EIF4G3: variants seen among roughly 807,000 people sequenced by gnomAD.
EIF4G3 encodes eIF-4-gamma 3.
Under a neutral mutation model 186.4 loss-of-function variants are expected in EIF4G3, and 34 were observed. The observed-to-expected ratio is 0.18, with a 90% CI of 0.14 to 0.24. The LOEUF (loss-of-function observed/expected upper bound fraction) is 0.24, where lower values mean the gene tolerates loss of function less well. Among genes scored for constraint, EIF4G3 ranks in the 10% least tolerant of loss-of-function variants. The pLI, the probability that EIF4G3 is intolerant of heterozygous loss-of-function variation, is 1.00. For missense variants in EIF4G3, 1,536 were observed against 1,948.5 expected (o/e 0.79, Z 3.99); for synonymous variants, 673 against 679.5 (o/e 0.99, Z 0.15).
chr1:20,825,456 C>G (rs966421386), intron 32 of EIF4G3, among the ~76,000 whole-genome samples: 8 of 152,086 alleles, frequency 5.3e-5, no homozygotes, highest in African/African-American at 1.7e-4. Flanking sequence ...GTCTCGAAAA[C>G]AAACTTTTCC....
intron 10 of EIF4G3, among the ~76,000 whole-genome samples, chr1:20,979,226 T>A (rs969168251): frequency 6.6e-6 from 1 of 152,208 alleles, no homozygotes; most frequent in Non-Finnish European, 1.5e-5. Context: ...TTGGCGCATA[T>A]GCCAATAATC....
intron 4 of EIF4G3, among the ~76,000 whole-genome samples, chr1:21,037,403 C>CT (rs1238943945): frequency 6.6e-6 from 1 of 152,134 alleles, no homozygotes; most frequent in Non-Finnish European, 1.5e-5. Context: ...AGTTTGGCTG[C>CT]TTTTAACAGT....
At chr1:20,826,020 C>T (rs1226634004) in intron 32 of EIF4G3, among the ~76,000 whole-genome samples, 1 of 152,166 alleles carries the variant, frequency 6.6e-6, no homozygotes, top group African/African-American at 2.4e-5. Context: ...GTAACTTGTC[C>T]AAGGCATAGC....
intron 19 of EIF4G3, among the ~76,000 whole-genome samples, chr1:20,882,727 T>C (rs913697016): frequency 3.3e-5 from 5 of 150,822 alleles, no homozygotes; most frequent in East Asian, 1.9e-4. Flanking sequence ...GCCCAGGAGG[T>C]TGAAGCTTCA....
At chr1:21,033,812 G>A (rs1028452977) in intron 4 of EIF4G3, among the ~76,000 whole-genome samples, 26 of 152,284 alleles carry the variant, frequency 1.7e-4, no homozygotes, top group Non-Finnish European at 3.2e-4. Flanking sequence ...AAAAGGCCAC[G>A]CGTGATAGCT....
chr1:21,144,109 G>C (rs1279205507), intron 2 of EIF4G3, among the ~76,000 whole-genome samples: 3 of 151,958 alleles, frequency 2.0e-5, no homozygotes, highest in Admixed American at 2.0e-4. Context: ...CTATTTTTTT[G>C]GTGCAAGCAA....
chr1:21,100,288 G>A (rs778117447), intron 2 of EIF4G3, among the ~76,000 whole-genome samples: 2 of 152,086 alleles, frequency 1.3e-5, no homozygotes, highest in African/African-American at 2.4e-5. Flanking sequence ...CTGTGGTGAT[G>A]GATGCACAAC....
chr1:21,053,800 A>G (rs28722989), intron 3 of EIF4G3, among the ~76,000 whole-genome samples: 2 of 118,634 alleles, frequency 1.7e-5, no homozygotes, highest in African/African-American at 6.6e-5. Flanking sequence ...TACTGGGAAG[A>G]GAGGAGCCCC....
At chr1:20,946,128 A>T (rs1195628839) in intron 13 of EIF4G3, among the ~76,000 whole-genome samples, 2 of 152,334 alleles carry the variant, frequency 1.3e-5, no homozygotes, top group Non-Finnish European at 1.5e-5. Flanking sequence ...AATGCTGAGC[A>T]TCCTGCAATT....
chr1:21,004,647 T>A (rs1156914606), intron 4 of EIF4G3, among the ~76,000 whole-genome samples: 1 of 152,178 alleles, frequency 6.6e-6, no homozygotes, highest in East Asian at 1.9e-4. Context: ...AATTTAAGTA[T>A]CTTACCTAAG....
Position 20,955,000 on chromosome 1 carries a change from C to T in EIF4G3, c.715-4889G>A, listed in dbSNP as rs539474022. Among the ~76,000 whole-genome samples, 8 of 152,260 alleles carry T rather than the reference C, an allele frequency of 5.3e-5. No homozygotes were observed. The East Asian group carries it at 9.7e-4, about 18-fold the overall frequency. ...TTAGATGCATCTCATGCAGAGAGAA[C>T]ACATGTACGAAGATTCTAAAAGGAA... On this transcript the variant is annotated intron_variant, in intron 12 of 36. Coordinates refer to ENST00000602326, the MANE Select transcript of EIF4G3 (RefSeq NM_001391906.1).
intron 4 of EIF4G3, among the ~76,000 whole-genome samples, chr1:21,036,855 T>G (rs1171594338): frequency 6.6e-6 from 1 of 152,138 alleles, no homozygotes. Context: ...CACTCCAACC[T>G]AGAGACAGAG....
intron 12 of EIF4G3, among the ~76,000 whole-genome samples, chr1:20,968,054 C>T (rs761212663): frequency 6.6e-6 from 1 of 152,172 alleles, no homozygotes; most frequent in African/African-American, 2.4e-5. Context: ...CTGGGACTAT[C>T]GGCATGTGCC....
At chr1:20,993,591 T>C (rs544583621) in intron 7 of EIF4G3, among the ~76,000 whole-genome samples, 2 of 152,250 alleles carry the variant, frequency 1.3e-5, no homozygotes, top group Admixed American at 1.3e-4. Context: ...CAACAATCAT[T>C]AAAAACATCA....
intron 14 of EIF4G3, among the ~76,000 whole-genome samples, chr1:20,908,199 GA>G (rs1406027852): frequency 4.6e-5 from 7 of 152,122 alleles, no homozygotes; most frequent in African/African-American, 1.2e-4. Context: ...CTTCTTTTGA[GA>G]AGTGTCTGTT....
intron 14 of EIF4G3, among the ~76,000 whole-genome samples, chr1:20,933,146 C>T (rs989626137): frequency 2.6e-5 from 4 of 152,150 alleles, no homozygotes; most frequent in Non-Finnish European, 4.4e-5. Flanking sequence ...CAATCCTTCA[C>T]AGCATCCTGA....
chr1:21,082,196 T>TAGGAGAA (rs1468648231), intron 3 of EIF4G3, among the ~76,000 whole-genome samples: 2 of 149,234 alleles, frequency 1.3e-5, no homozygotes, highest in Non-Finnish European at 3.0e-5. Context: ...CAAAAAAGCA[T>TAGGAGAA]AATCTTTGTG....
chr1:21,168,674 C>T (rs2097903004), intron 2 of EIF4G3, among the ~76,000 whole-genome samples: 1 of 152,036 alleles, frequency 6.6e-6, no homozygotes, highest in Non-Finnish European at 1.5e-5. Context: ...GATCCTCCTG[C>T]CCCAGCCTCC....
At chr1:20,961,437 T>G (rs999188021) in intron 12 of EIF4G3, among the ~76,000 whole-genome samples, 1 of 152,188 alleles carries the variant, frequency 6.6e-6, no homozygotes, top group Non-Finnish European at 1.5e-5. Context: ...ACAGTTTCAG[T>G]GTACCCACAA....
Sources: gnomAD v4.1 joint callset for allele counts (sites outside exome capture counted in the v4.1 genomes callset) on GRCh38, gnomAD v4.1.1 for gene constraint, MANE v1.5 for transcripts, NCBI Gene and HGNC (gene_info 2026-07-23, HGNC 2026-07-21) for gene names.